Variants in P2RY8 observed in about 807,000 individuals in gnomAD.
P2RY8 encodes the protein P2Y receptor family member 8, also known as S-geranylgeranyl-glutathione receptor P2RY8.
A neutral mutation model predicts 10.0 loss-of-function variants in P2RY8; 6 were observed. The ratio of observed to expected loss-of-function variants is 0.60; its 90% CI spans 0.33 to 1.19. The LOEUF is 1.19. Among genes scored for constraint, P2RY8 ranks in the 50% most tolerant of loss-of-function variants. The pLI is 0.04. For synonymous variants in P2RY8, 276 were observed against 252.5 expected, an observed-to-expected ratio of 1.09 and a Z score of -0.88; for missense variants, 456 against 542.0, an observed-to-expected ratio of 0.84 and a Z score of 1.58.
chrX:1,492,088 C>T (rs2092058163), intron 1 of P2RY8, among the ~76,000 whole-genome samples: 1 of 152,126 alleles, frequency 6.6e-6, no homozygotes, highest in South Asian at 2.1e-4. Flanking sequence ...GGGGTCACTC[C>T]CTGTCTGGGC....
intron 1 of P2RY8, among the ~76,000 whole-genome samples, chrX:1,478,839 G>A (rs1197311186): frequency 6.6e-6 from 1 of 152,002 alleles, no homozygotes; most frequent in African/African-American, 2.4e-5. Flanking sequence ...GCTAGGTGGT[G>A]GGCTCATGGT....
At chrX:1,483,417 C>T (rs2091957207) in intron 1 of P2RY8, among the ~76,000 whole-genome samples, 1 of 151,928 alleles carries the variant, frequency 6.6e-6, no homozygotes, top group Non-Finnish European at 1.5e-5. Flanking sequence ...GGTGGATCAC[C>T]TGAGGCTGGG....
chrX:1,499,799 G>T (rs1172609200), intron 1 of P2RY8, among the ~76,000 whole-genome samples: 2 of 151,968 alleles, frequency 1.3e-5, no homozygotes, highest in Non-Finnish European at 2.9e-5. Context: ...AACCTGGGAT[G>T]TCTTTCTATT....
intron 1 of P2RY8, among the ~76,000 whole-genome samples, chrX:1,518,565 A>G (rs1293736034): frequency 6.6e-6 from 1 of 151,746 alleles, no homozygotes; most frequent in African/African-American, 2.4e-5. Flanking sequence ...TGTTTCCCCA[A>G]AATCTTTCTG....
intron 1 of P2RY8, among the ~76,000 whole-genome samples, chrX:1,508,528 T>C (rs1347588385): frequency 3.9e-5 from 6 of 152,164 alleles, no homozygotes; most frequent in Non-Finnish European, 7.3e-5. Context: ...TATGTATCCA[T>C]CTATGTATCT....
At position 1,463,163 on chromosome X, in the gene P2RY8, T is replaced by C; in HGVS notation, c.*2316A>G. On this transcript the variant is annotated 3_prime_UTR_variant, in exon 2 of 2. Coordinates refer to ENST00000381297, the MANE Select transcript of P2RY8 (RefSeq NM_178129.5). ...ACTGTGAAGATGCTACTCTGAGGTT[T>C]TTCACAGTTTTTTTTCCCCCATGAG... 4.3e-6 allele frequency: 1 copy of C among 233,174 alleles called. No individual in the cohort carries two copies. The highest frequency in any genetic ancestry group is 8.5e-6 in the Non-Finnish European group (1 of 118,032). 14.4% of individuals were successfully genotyped at this position (233,174 alleles called of 1,614,324 possible).
chrX:1,535,869 C>T (rs1167333557), intron 1 of P2RY8, among the ~76,000 whole-genome samples: 2 of 152,096 alleles, frequency 1.3e-5, no homozygotes, highest in African/African-American at 2.4e-5. Flanking sequence ...GAGCAGCTCC[C>T]TCTGCCTTTT....
At chrX:1,536,019 G>A (rs2092523616) in intron 1 of P2RY8, among the ~76,000 whole-genome samples, 1 of 152,052 alleles carries the variant, frequency 6.6e-6, no homozygotes, top group Non-Finnish European at 1.5e-5. Flanking sequence ...AGGGGCCACC[G>A]TGCTCATCCA....
intron 1 of P2RY8, among the ~76,000 whole-genome samples, chrX:1,522,635 G>A (rs185348988): frequency 3.3e-5 from 5 of 152,196 alleles, no homozygotes; most frequent in South Asian, 2.1e-4. Flanking sequence ...TTAGCCGGGC[G>A]TGGTCAGTGC....
At chrX:1,500,058 C>G (rs1245948933) in intron 1 of P2RY8, among the ~76,000 whole-genome samples, 1 of 135,004 alleles carries the variant, frequency 7.4e-6, no homozygotes, top group Non-Finnish European at 1.7e-5. Context: ...CGGGGTTTCA[C>G]CGTGTTAGCC....
intron 1 of P2RY8, among the ~76,000 whole-genome samples, chrX:1,515,609 G>A (rs1325225413): frequency 2.7e-5 from 4 of 147,642 alleles, no homozygotes; most frequent in South Asian, 2.2e-4. Context: ...GACCTCACGT[G>A]ATCCACCCGC....
chrX:1,466,581 C>A lies in P2RY8; in HGVS notation c.-23G>T. 1.3e-6 allele frequency: 2 copies of A among 1,590,806 alleles called. No homozygotes were observed. Among genetic ancestry groups the A allele is most frequent in the Middle Eastern group, 2.3e-4 (1 of 4,400 alleles). The stretch of plus-strand genomic sequence containing the variant: ...CATCCTGGAGGGGTCCTCGCCCGGG[C>A]TCTGCAAGGGAAGGAGGGAAGGGTG... On this transcript the variant is annotated splice_region_variant and 5_prime_UTR_variant, in exon 2 of 2. Transcript: ENST00000381297.
chrX:1,487,945 C>T (rs1246607230), intron 1 of P2RY8, among the ~76,000 whole-genome samples: 1 of 152,088 alleles, frequency 6.6e-6, no homozygotes, highest in Non-Finnish European at 1.5e-5. Context: ...CCCGTCTCTA[C>T]TAAAACTATA....
intron 1 of P2RY8, among the ~76,000 whole-genome samples, chrX:1,521,944 CTTTTTTTTTT>C (rs751056296): frequency 5.1e-5 from 2 of 39,020 alleles, no homozygotes; most frequent in Non-Finnish European, 8.3e-5. Flanking sequence ...CTCTCGCTCT[CTTTTTTTTTT>C]TTTTTTTTTT....
At chrX:1,478,784 T>C (rs1201535092) in intron 1 of P2RY8, among the ~76,000 whole-genome samples, 2 of 152,014 alleles carry the variant, frequency 1.3e-5, no homozygotes, top group Non-Finnish European at 2.9e-5. Flanking sequence ...GGTACAGGTA[T>C]CTTTTTATGT....
rs766169829 is a variant in P2RY8, at chrX:1,490,606, TG to T, written c.-24-24025del. 8.9e-4 allele frequency among the ~76,000 whole-genome samples: 130 copies of T among 145,452 alleles called. 2 individuals carry two copies. The highest frequency in any genetic ancestry group is 3.1e-3 in the African/African-American group (121 of 38,600). Reference sequence around the variant, plus strand: ...GATACCCAGATATTCCCTGCAAATGTGGGGGGAATGAATGAATGACATCCAG... The same window carrying T: ...GATACCCAGATATTCCCTGCAAATGTGGGGGAATGAATGAATGACATCCAG... On this transcript the variant is annotated intron_variant, in intron 1 of 1. Coordinates refer to ENST00000381297, the MANE Select transcript of P2RY8 (RefSeq NM_178129.5).
intron 1 of P2RY8, among the ~76,000 whole-genome samples, chrX:1,516,365 C>T (rs375517239): frequency 1.5e-3 from 225 of 151,826 alleles, no homozygotes; most frequent in African/African-American, 5.1e-3. Flanking sequence ...TGTCTACAAG[C>T]CCAGGAGAGA....
intron 1 of P2RY8, among the ~76,000 whole-genome samples, chrX:1,511,360 T>C (rs2149403633): frequency 6.6e-6 from 1 of 152,324 alleles, no homozygotes; most frequent in South Asian, 2.1e-4. Flanking sequence ...TCCTGTAACC[T>C]GTTGAATACA....
intron 1 of P2RY8, among the ~76,000 whole-genome samples, chrX:1,524,923 A>AT (rs1287547116): frequency 0.08 from 12,023 of 149,542 alleles, 821 homozygotes; most frequent in Non-Finnish European, 0.12. Context: ...CCATCCATCC[A>AT]CCCACCCATC....
Sources: allele counts gnomAD v4.1 joint callset (sites outside exome capture counted in the v4.1 genomes callset), GRCh38; gene constraint gnomAD v4.1.1; transcripts MANE v1.5; gene names NCBI Gene and HGNC (gene_info 2026-07-23, HGNC 2026-07-21).